Variants in ABTB3 observed in about 807,000 individuals in gnomAD.
ABTB3 encodes the protein ankyrin repeat and BTB domain containing 3, also known as ankyrin repeat- and BTB/POZ domain-containing protein 3.
the ABTB3 span, chr12:107,617,490 C>T: frequency 1.3e-6 from 2 of 1,599,362 alleles, no homozygotes; most frequent in Non-Finnish European, 1.7e-6. Context: ...GTTAAAAATG[C>T]AGATTCCCAG....
the ABTB3 span, among the ~76,000 whole-genome samples, chr12:107,409,448 A>C: frequency 6.6e-6 from 1 of 152,260 alleles, no homozygotes. Flanking sequence ...AAGGAATATA[A>C]AGATACATGC....
the ABTB3 span, chr12:107,640,241 T>C: frequency 1.1e-6 from 1 of 912,536 alleles, no homozygotes. Context: ...ATTTGCACTT[T>C]CTACAAGATA....
chr12:107,616,557 A>C, the ABTB3 span, among the ~76,000 whole-genome samples: 25 of 152,360 alleles, frequency 1.6e-4, no homozygotes, highest in Middle Eastern at 3.4e-3. Flanking sequence ...CTTGCTGTCC[A>C]GAAACCTTAG....
the ABTB3 span, among the ~76,000 whole-genome samples, chr12:107,442,276 T>G: frequency 5.9e-5 from 9 of 152,188 alleles, no homozygotes; most frequent in African/African-American, 2.2e-4. Context: ...CAAGAAGTTT[T>G]CAGAGTAATT....
At chr12:107,319,813 C>G in the ABTB3 span, 4 of 1,330,274 alleles carry the variant, frequency 3.0e-6, no homozygotes, top group Non-Finnish European at 3.9e-6. Flanking sequence ...GGGAGGCGCC[C>G]GGGGGAGGAG....
chr12:107,501,710 A>C, the ABTB3 span, among the ~76,000 whole-genome samples: 1 of 152,094 alleles, frequency 6.6e-6, no homozygotes, highest in Non-Finnish European at 1.5e-5. Flanking sequence ...AAAAACAAAA[A>C]AAAGAAAGAC....
the ABTB3 span, among the ~76,000 whole-genome samples, chr12:107,393,275 A>G: frequency 2.9e-5 from 4 of 137,610 alleles, no homozygotes; most frequent in African/African-American, 1.1e-4. Flanking sequence ...TGTGCTTTCT[A>G]GTAGGAAGGC....
At chr12:107,454,701 G>A in the ABTB3 span, among the ~76,000 whole-genome samples, 42 of 152,322 alleles carry the variant, frequency 2.8e-4, no homozygotes, top group African/African-American at 9.6e-4. Flanking sequence ...CTGGGCAGCA[G>A]CAGGAGGTCT....
chr12:107,495,723 T>C, the ABTB3 span, among the ~76,000 whole-genome samples: 1 of 152,188 alleles, frequency 6.6e-6, no homozygotes, highest in East Asian at 1.9e-4. Context: ...TCCACCTCGT[T>C]CCTGGCAGCT....
the ABTB3 span, among the ~76,000 whole-genome samples, chr12:107,518,145 A>G: frequency 6.6e-6 from 1 of 152,152 alleles, no homozygotes; most frequent in African/African-American, 2.4e-5. Context: ...AAATAGGAAC[A>G]TTTTTACACT....
chr12:107,409,431 A>G, the ABTB3 span, among the ~76,000 whole-genome samples: 1 of 152,280 alleles, frequency 6.6e-6, no homozygotes, highest in Non-Finnish European at 1.5e-5. Context: ...TACTGGGTAT[A>G]TACCCAAAGG....
chr12:107,640,307 C>T, the ABTB3 span: 1 of 1,526,438 alleles, frequency 6.6e-7, no homozygotes, highest in South Asian at 1.2e-5. Flanking sequence ...CTTTCCTATT[C>T]CAGATCCTCA....
the ABTB3 span, among the ~76,000 whole-genome samples, chr12:107,430,199 C>T: frequency 1.3e-5 from 2 of 152,200 alleles, no homozygotes; most frequent in African/African-American, 4.8e-5. Context: ...TATATTCCAT[C>T]TCTCTCCTAG....
the ABTB3 span, chr12:107,641,947 G>T: frequency 2.6e-6 from 2 of 761,338 alleles, no homozygotes; most frequent in South Asian, 3.0e-5. Flanking sequence ...TTTAAATTAA[G>T]AAATGTAAGG....
the ABTB3 span, chr12:107,320,031 T>A: frequency 6.5e-7 from 1 of 1,548,120 alleles, no homozygotes; most frequent in Admixed American, 1.8e-5. Context: ...ATCTGGGGTC[T>A]CCTGCAGCCC....
At chr12:107,340,100 T>C in the ABTB3 span, among the ~76,000 whole-genome samples, 1 of 152,284 alleles carries the variant, frequency 6.6e-6, no homozygotes, top group African/African-American at 2.4e-5. Flanking sequence ...TTGTGAATAC[T>C]GAAGTCAACA....
chr12:107,320,389 A>G, the ABTB3 span, among the ~76,000 whole-genome samples: 1 of 152,248 alleles, frequency 6.6e-6, no homozygotes, highest in Non-Finnish European at 1.5e-5. Flanking sequence ...AGCAGGGTTG[A>G]GATCATTTGC....
chr12:107,645,852 T>C, the ABTB3 span, among the ~76,000 whole-genome samples: 1 of 152,160 alleles, frequency 6.6e-6, no homozygotes, highest in African/African-American at 2.4e-5. Flanking sequence ...CTCGCGTTAC[T>C]GTAATGGGAA....
the ABTB3 span, among the ~76,000 whole-genome samples, chr12:107,364,778 G>A: frequency 6.6e-5 from 10 of 152,288 alleles, 1 homozygote; most frequent in South Asian, 1.2e-3. Flanking sequence ...GTGCTTATTC[G>A]AAAGCCTGCA....
Sources: gnomAD v4.1 joint callset for allele counts (sites outside exome capture counted in the v4.1 genomes callset) on GRCh38, gnomAD v4.1.1 for gene constraint, MANE v1.5 for transcripts, NCBI Gene and HGNC (gene_info 2026-07-23, HGNC 2026-07-21) for gene names.